The following SLC17A1 variants were observed in gnomAD, a reference collection of about 807,000 sequenced individuals.
SLC17A1 encodes the protein sodium-dependent phosphate transport protein 1.
A neutral mutation model predicts 53.5 loss-of-function variants in SLC17A1; 51 were observed. That is an observed-to-expected ratio of 0.95 (90% confidence interval 0.76 to 1.20). SLC17A1 has a LOEUF of 1.20. SLC17A1 is among the 50% of genes most tolerant of loss of function. The pLI is 0.00. For synonymous variants in SLC17A1, 179 were observed against 198.8 expected, an observed-to-expected ratio of 0.90 and a Z score of 0.84; for missense variants, 538 against 568.2, an observed-to-expected ratio of 0.95 and a Z score of 0.54.
chr6:25,759,546 GTC>G, the SLC17A1 span, among the ~76,000 whole-genome samples: 2 of 152,144 alleles, frequency 1.3e-5, no homozygotes, highest in Admixed American at 6.5e-5. Context: ...GCTATATAAT[GTC>G]TCTCTTTATC....
the SLC17A1 span, among the ~76,000 whole-genome samples, chr6:25,759,334 T>G: frequency 1.3e-5 from 2 of 152,226 alleles, no homozygotes; most frequent in Admixed American, 1.3e-4. Context: ...GGGTATAGTT[T>G]AAGTCCATTG....
chr6:25,799,246 A>C (rs180754169), intron 11 of SLC17A1, among the ~76,000 whole-genome samples: 1 of 152,228 alleles, frequency 6.6e-6, no homozygotes, highest in East Asian at 1.9e-4. Context: ...TAGCTGACAT[A>C]TTATTGTATC....
chr6:25,806,941 A>C (rs1472924009), intron 10 of SLC17A1, among the ~76,000 whole-genome samples: 1 of 152,100 alleles, frequency 6.6e-6, no homozygotes, highest in Non-Finnish European at 1.5e-5. Context: ...AATATTACTA[A>C]TTATCAGTGA....
At chr6:25,776,448 TTG>T in the SLC17A1 span, 2 of 900,920 alleles carry the variant, frequency 2.2e-6, no homozygotes, top group Admixed American at 5.0e-5. Context: ...TAAAAGTATA[TTG>T]GCTCATTATA....
At chr6:25,726,239 G>C in the SLC17A1 span, 2 of 1,613,810 alleles carry the variant, frequency 1.2e-6, no homozygotes, top group Non-Finnish European at 1.7e-6. Context: ...CCGCCCAAAA[G>C]CTTATTGAGT....
At chr6:25,801,942 A>G (rs1041541782) in intron 10 of SLC17A1, among the ~76,000 whole-genome samples, 1 of 151,906 alleles carries the variant, frequency 6.6e-6, no homozygotes, top group African/African-American at 2.4e-5. Flanking sequence ...GAAGAAGTAC[A>G]TTTATGGTTA....
chr6:25,749,967 G>A, the SLC17A1 span, among the ~76,000 whole-genome samples: 1 of 152,198 alleles, frequency 6.6e-6, no homozygotes, highest in Non-Finnish European at 1.5e-5. Flanking sequence ...TGCTAGACAT[G>A]TATCTTGAAG....
At chr6:25,769,486 A>G in the SLC17A1 span, among the ~76,000 whole-genome samples, 1 of 151,784 alleles carries the variant, frequency 6.6e-6, no homozygotes, top group Non-Finnish European at 1.5e-5. Context: ...TGAACTGGGG[A>G]GGCAGAAGTT....
intron 3 of SLC17A1, 91 bp from the exon 4 acceptor site, chr6:25,820,006 C>A: frequency 1.2e-6 from 1 of 835,250 alleles, no homozygotes; most frequent in Non-Finnish European, 1.9e-6. Flanking sequence ...TCTGGCTCAC[C>A]TCATGGAAAG....
chr6:25,726,084 T>C, the SLC17A1 span: 1 of 1,475,166 alleles, frequency 6.8e-7, no homozygotes, highest in African/African-American at 1.4e-5. Flanking sequence ...GAAAAGAGCC[T>C]TTTGTTTTTT....
Sources: allele counts gnomAD v4.1 joint callset (sites outside exome capture counted in the v4.1 genomes callset), GRCh38; gene constraint gnomAD v4.1.1; transcripts MANE v1.5; gene names NCBI Gene and HGNC (gene_info 2026-07-23, HGNC 2026-07-21).